TAS2R60: variants seen among roughly 807,000 people sequenced by gnomAD.
TAS2R60 encodes taste 2 receptor member 60.
In TAS2R60, 16 loss-of-function variants were observed where a neutral mutation model predicts 19.5. That is an observed-to-expected ratio of 0.82 (90% CI 0.55 to 1.24). The LOEUF (loss-of-function observed/expected upper bound fraction) is 1.24, where lower values mean the gene tolerates loss of function less well. TAS2R60 is among the 50% of genes most tolerant of loss of function. TAS2R60 has a pLI of 0.00. For missense variants in TAS2R60, 362 were observed against 382.7 expected (o/e 0.95, Z 0.45); for synonymous variants, 141 against 143.3 (o/e 0.98, Z 0.11).
chr7:143,444,155 C>T, the TAS2R60 span: 120 of 1,614,108 alleles, frequency 7.4e-5, no homozygotes, highest in Middle Eastern at 1.6e-4. Flanking sequence ...CTCAGGATTC[C>T]GAGAGCCCAG....
rs1368193113 is a variant in TAS2R60 at position 143,443,608 on chromosome 7, G to C, written c.156G>C (p.Leu52Phe). 6.2e-7 allele frequency: 1 copy of C among 1,614,180 alleles called. No individual in the cohort carries two copies. ...LGVEWVLRRM[L>F]LPCDKLLVSL... The stretch of plus-strand genomic sequence containing the variant: ...TGGAGTGGGTGCTACGGAGAATGTT[G>C]TTGCCTTGTGATAAGTTATTGGTTA... The change falls in exon 1 of 1, where the codon TTG (leucine) becomes TTC (phenylalanine). Residue 52 changes from leucine to phenylalanine, a missense_variant. Transcript: ENST00000332690.
In TAS2R60 at chr7:143,444,159, AGCCCAGTGT is replaced by A; in HGVS notation, c.710_718del (p.Pro237_Val239del). ...CTCCTTACAACCTCAGGATTCCGAG[AGCCCAGTGT>A]GCAGGCACACATAAAGGCTCTGCTG... On this transcript the variant is annotated inframe_deletion, in exon 1 of 1. Coordinates refer to ENST00000332690, the MANE Select transcript of TAS2R60 (RefSeq NM_177437.1). The A allele has an allele frequency of 6.2e-7, 1 of 1,614,214 alleles. No individual in the cohort carries two copies. The highest frequency in any genetic ancestry group is 8.5e-7 in the Non-Finnish European group (1 of 1,180,042).
At position 143,443,918 on chromosome 7, in the gene TAS2R60, A is replaced by G. The variant is rs1195337375; in HGVS notation, c.466A>G (p.Thr156Ala). 1.2e-6 allele frequency: 2 copies of G among 1,613,994 alleles called. No homozygotes were observed. Among genetic ancestry groups the G allele is most frequent in the Middle Eastern group, 1.7e-4 (1 of 6,060 alleles). Reference protein sequence around the residue: ...FSSVGLSSFTTILFFIGNHRM... With the variant: ...FSSVGLSSFTAILFFIGNHRM... ...CTCTGTAGGGCTCTCCAGCTTCACC[A>G]CCATTCTATTTTTCATAGGCAACCA... The change falls in exon 1 of 1, where the codon ACC (threonine) becomes GCC (alanine). Residue 156 changes from threonine (T) to alanine (A), a missense_variant. By Grantham distance (58) the Thr-to-Ala change is moderately conservative. Transcript: ENST00000332690.
Position 143,443,899 on chromosome 7 carries a change from A to G in TAS2R60, c.447A>G (p.Val149=), listed in dbSNP as rs752772800. The change falls in exon 1 of 1, where the codon GTA becomes GTG. Residue 149 remains valine, a synonymous_variant. Coordinates refer to ENST00000332690, the MANE Select transcript of TAS2R60 (RefSeq NM_177437.1). ...GWLPWMLFSS[V]GLSSFTTILF... is the part of the protein sequence containing the mutation. ...TACCATGGATGCTCTTCAGCTCTGT[A>G]GGGCTCTCCAGCTTCACCACCATTC... The G allele has an allele frequency of 6.2e-6, 10 of 1,613,966 alleles. No individual in the cohort carries two copies. Among genetic ancestry groups the G allele is most frequent in the Non-Finnish European group, 8.5e-6 (10 of 1,180,008 alleles).
rs765621535 is a variant in TAS2R60 at position 143,444,378 on chromosome 7, G to A, written c.926G>A (p.Ser309Asn). The A allele has an allele frequency of 6.2e-6, 10 of 1,608,758 alleles. No individual in the cohort carries two copies. The highest frequency in any genetic ancestry group is 1.7e-5 in the Admixed American group (1 of 59,958). ...SNCRLRAVLK[S>N]RRSSRCGTP ...TGCAGGCTGAGAGCTGTGCTGAAGA[G>A]TCGTCGTTCCTCAAGGTGTGGGACA... The change falls in exon 1 of 1, where the codon AGT becomes AAT. Residue 309 changes from serine (S) to asparagine (N), a missense_variant. Physicochemically the swap from Ser to Asn is conservative, Grantham distance 46. Coordinates refer to ENST00000332690, the MANE Select transcript of TAS2R60 (RefSeq NM_177437.1).
chr7:143,443,824 C>T lies in TAS2R60; in HGVS notation c.372C>T (p.Thr124=), dbSNP rs1287315457. The change falls in exon 1 of 1, where the codon ACC becomes ACT. Residue 124 remains threonine (T), a synonymous_variant. Coordinates refer to ENST00000332690, the MANE Select transcript of TAS2R60 (RefSeq NM_177437.1). ...LSVFYCVKIA[T]FTHPVFFWLK... The stretch of plus-strand genomic sequence containing the variant: ...TCTTCTATTGTGTGAAAATTGCTAC[C>T]TTCACCCACCCTGTCTTCTTCTGGC... 6.2e-7 allele frequency: 1 copy of T among 1,613,172 alleles called. No homozygotes were observed. Among genetic ancestry groups the T allele is most frequent in the Admixed American group, 1.7e-5 (1 of 59,980 alleles).
chr7:143,443,978 C>T, the TAS2R60 span: 1 of 1,614,200 alleles, frequency 6.2e-7, no homozygotes, highest in Non-Finnish European at 8.5e-7. Context: ...GAACCATCTA[C>T]AACCTTGGAA....
In TAS2R60 at chr7:143,443,616, G is replaced by T. The variant is rs757155114; in HGVS notation, c.164G>T (p.Cys55Phe). 61 of 1,614,090 alleles carry T rather than the reference G, an allele frequency of 3.8e-5. 1 individual carries two copies. Among genetic ancestry groups the T allele is most frequent in the Non-Finnish European group, 3.1e-5 (36 of 1,180,034 alleles). Residue 55 changes from cysteine to phenylalanine, a missense_variant, in exon 1 of 1, where the codon TGT becomes TTT. Physicochemically the swap from Cys to Phe is radical, Grantham distance 205 (BLOSUM62 -2). Transcript: ENST00000332690. ...EWVLRRMLLP[C>F]DKLLVSLGAS... Reference sequence around the variant, plus strand: ...GTGCTACGGAGAATGTTGTTGCCTTGTGATAAGTTATTGGTTAGCCTAGGG... The same window carrying T: ...GTGCTACGGAGAATGTTGTTGCCTTTTGATAAGTTATTGGTTAGCCTAGGG...
Position 143,443,770 on chromosome 7 carries a change from C to T in TAS2R60, c.318C>T (p.Ala106=), listed in dbSNP as rs142394680. 81 of 1,613,728 alleles carry T rather than the reference C, an allele frequency of 5.0e-5. No individual in the cohort carries two copies. The highest frequency in any genetic ancestry group is 5.4e-5 in the Non-Finnish European group (64 of 1,180,030). ...LAFQWDFLNA[A]TLWSSTWLSV... is the part of the protein sequence containing the mutation. ...TCCAGTGGGACTTCCTGAATGCTGC[C>T]ACCTTATGGTCCTCTACCTGGCTCA... Residue 106 remains alanine (A), a synonymous_variant, in exon 1 of 1, where the codon GCC becomes GCT. Transcript: ENST00000332690.
In TAS2R60 at chr7:143,444,003, G is replaced by A; in HGVS notation, c.551G>A (p.Ser184Asn). The A allele has an allele frequency of 1.9e-6, 3 of 1,614,182 alleles. No individual in the cohort carries two copies. The highest frequency in any genetic ancestry group is 1.1e-5 in the South Asian group (1 of 91,076). The change falls in exon 1 of 1, where the codon AGC becomes AAC. Residue 184 changes from serine (S) to asparagine (N), a missense_variant. Transcript: ENST00000332690. ...HLQPWNVTGD[S>N]IRSYCEKFYL... is the part of the protein sequence containing the mutation. ...CAACCTTGGAATGTCACTGGCGATA[G>A]CATACGGAGCTACTGTGAGAAATTC...
chr7:143,444,244 G>A lies in TAS2R60; in HGVS notation c.792G>A (p.Val264=), dbSNP rs1178299954. The change falls in exon 1 of 1, where the codon GTG becomes GTA. Residue 264 remains valine, a synonymous_variant. Transcript: ENST00000332690. ...TCATCTCATATTTCCTGTCACTGGT[G>A]TTCAGTGCTGCAGGTATTTTTCCAC... ...MLFISYFLSL[V]FSAAGIFPPL... 1 of 1,614,168 alleles carries A rather than the reference G, an allele frequency of 6.2e-7. No individual in the cohort carries two copies. The highest frequency in any genetic ancestry group is 8.5e-7 in the Non-Finnish European group (1 of 1,180,038).
At position 143,444,368 on chromosome 7, in the gene TAS2R60, G is replaced by C. The variant is rs1350565516; in HGVS notation, c.916G>C (p.Val306Leu). 1.9e-6 allele frequency: 3 copies of C among 1,610,266 alleles called. No individual in the cohort carries two copies. Among genetic ancestry groups the C allele is most frequent in the East Asian group, 4.5e-5 (2 of 44,876 alleles). ...LLFSNCRLRA[V>L]LKSRRSSRCG... ...CTTCAGCAACTGCAGGCTGAGAGCT[G>C]TGCTGAAGAGTCGTCGTTCCTCAAG... is the stretch of plus-strand genomic sequence containing the variant. Residue 306 changes from valine (V) to leucine (L), a missense_variant, in exon 1 of 1, where the codon GTG becomes CTG. By Grantham distance (32) the Val-to-Leu change is conservative. Transcript: ENST00000332690.
Position 143,443,865 on chromosome 7 carries a change from C to G in TAS2R60, c.413C>G (p.Ser138Cys). The stretch of plus-strand genomic sequence containing the variant: ...TTCTTCTGGCTAAAGCACAAGTTGT[C>G]TGGGTGGCTACCATGGATGCTCTTC... ...PVFFWLKHKL[S>C]GWLPWMLFSS... The change falls in exon 1 of 1, where the codon TCT becomes TGT. Residue 138 changes from serine (S) to cysteine (C), a missense_variant. By Grantham distance (112) the Ser-to-Cys change is moderately radical. Transcript: ENST00000332690. 6.2e-7 allele frequency: 1 copy of G among 1,613,874 alleles called. No individual in the cohort carries two copies. The highest frequency in any genetic ancestry group is 8.5e-7 in the Non-Finnish European group (1 of 1,180,014).
rs768887701 is a variant in TAS2R60, at chr7:143,443,554, C to G, written c.102C>G (p.Gly34=). The G allele has an allele frequency of 1.2e-6, 2 of 1,614,182 alleles. No homozygotes were observed. Among genetic ancestry groups the G allele is most frequent in the Non-Finnish European group, 1.7e-6 (2 of 1,180,036 alleles). The change falls in exon 1 of 1, where the codon GGC becomes GGG. Residue 34 remains glycine, a synonymous_variant. Coordinates refer to ENST00000332690, the MANE Select transcript of TAS2R60 (RefSeq NM_177437.1). Reference sequence around the variant, plus strand: ...TTTTACGCCTGGTAGCAATAGCAGGCAATGGCTTCATCACTGCTGCTCTGG... The same window carrying G: ...TTTTACGCCTGGTAGCAATAGCAGGGAATGGCTTCATCACTGCTGCTCTGG... ...LLLLRLVAIA[G]NGFITAALGV...
At position 143,443,895 on chromosome 7, in the gene TAS2R60, C is replaced by T; in HGVS notation, c.443C>T (p.Ser148Phe). The T allele has an allele frequency of 6.2e-7, 1 of 1,613,982 alleles. No homozygotes were observed. Among genetic ancestry groups the T allele is most frequent in the South Asian group, 1.1e-5 (1 of 91,078 alleles). The change falls in exon 1 of 1, where the codon TCT becomes TTT. Residue 148 changes from serine to phenylalanine, a missense_variant. Ser to Phe is a radical substitution (Grantham distance 155). Coordinates refer to ENST00000332690, the MANE Select transcript of TAS2R60 (RefSeq NM_177437.1). The part of the protein sequence containing the change: ...SGWLPWMLFS[S>F]VGLSSFTTIL... ...TGGCTACCATGGATGCTCTTCAGCT[C>T]TGTAGGGCTCTCCAGCTTCACCACC...
rs1032221895 is a variant in TAS2R60 at position 143,444,317 on chromosome 7, G to T, written c.865G>T (p.Ala289Ser). The T allele has an allele frequency of 1.2e-6, 2 of 1,613,656 alleles. No homozygotes were observed. The highest frequency in any genetic ancestry group is 1.7e-6 in the Non-Finnish European group (2 of 1,180,034). The change falls in exon 1 of 1, where the codon GCA becomes TCA. Residue 289 changes from alanine to serine, a missense_variant. Coordinates refer to ENST00000332690, the MANE Select transcript of TAS2R60 (RefSeq NM_177437.1). ...GTGGGAGTCAGTGATTTATCTGTGT[G>T]CAGCAGTTCACCCCATCATTCTGCT... Reference protein sequence around the residue: ...WVWESVIYLCAAVHPIILLFS... With the variant: ...WVWESVIYLCSAVHPIILLFS...
the TAS2R60 span, chr7:143,443,920 CA>C: frequency 6.2e-7 from 1 of 1,614,070 alleles, no homozygotes; most frequent in Non-Finnish European, 8.5e-7. Flanking sequence ...GCTTCACCAC[CA>C]TTCTATTTTT....
rs1806415949 is a variant in TAS2R60 at position 143,444,138 on chromosome 7, T to A, written c.686T>A (p.Leu229His). ...GGAAGACACAGGAAGAAGGCTCTCCTTACAACCTCAGGATTCCGAGAGCCC... is the reference window on the plus strand; with the variant it reads ...GGAAGACACAGGAAGAAGGCTCTCCATACAACCTCAGGATTCCGAGAGCCC... ...SLGRHRKKAL[L>H]TTSGFREPSV... The change falls in exon 1 of 1, where the codon CTT (leucine) becomes CAT (histidine). Residue 229 changes from leucine to histidine, a missense_variant. Coordinates refer to ENST00000332690, the MANE Select transcript of TAS2R60 (RefSeq NM_177437.1). 6.2e-7 allele frequency: 1 copy of A among 1,614,134 alleles called. No individual in the cohort carries two copies.
At position 143,444,274 on chromosome 7, in the gene TAS2R60, G is replaced by A. The variant is rs751069916; in HGVS notation, c.822G>A (p.Leu274=). The A allele has an allele frequency of 6.2e-7, 1 of 1,614,002 alleles. No homozygotes were observed. Among genetic ancestry groups the A allele is most frequent in the Non-Finnish European group, 8.5e-7 (1 of 1,180,026 alleles). The change falls in exon 1 of 1, where the codon CTG becomes CTA. Residue 274 remains leucine (L), a synonymous_variant. Transcript: ENST00000332690. ...VFSAAGIFPP[L]DFKFWVWESV... ...GTGCTGCAGGTATTTTTCCACCTCTGGACTTTAAATTCTGGGTGTGGGAGT... is the reference window on the plus strand; with the variant it reads ...GTGCTGCAGGTATTTTTCCACCTCTAGACTTTAAATTCTGGGTGTGGGAGT...
Sources: gnomAD v4.1 joint callset for allele counts on GRCh38, gnomAD v4.1.1 for gene constraint, MANE v1.5 for transcripts, NCBI Gene and HGNC (gene_info 2026-07-23, HGNC 2026-07-21) for gene names.